The following UBAC1 variants were observed in gnomAD, a reference collection of about 807,000 sequenced individuals.
The protein encoded by UBAC1 is ubiquitin-associated domain-containing protein 1.
In UBAC1, 27 loss-of-function variants were observed where a neutral mutation model predicts 45.9. The observed-to-expected ratio is 0.59, with a 90% CI of 0.43 to 0.81. The LOEUF is 0.81. Ranked by LOEUF, UBAC1 falls within the 30% of genes least tolerant of loss-of-function variation. The probability of loss-of-function intolerance (pLI) is 0.00; values close to 1 mark genes in which losing one functional copy is unlikely to be tolerated. For missense variants in UBAC1, 529 were observed against 539.2 expected (o/e 0.98, Z 0.19); for synonymous variants, 227 against 215.5 (o/e 1.05, Z -0.47).
At chr9:135,958,350 T>C (rs778343639) in intron 1 of UBAC1, among the ~76,000 whole-genome samples, 9 of 152,140 alleles carry the variant, frequency 5.9e-5, no homozygotes, top group Admixed American at 6.5e-5. Flanking sequence ...CTCAGCCAGG[T>C]ATAATTTTCT....
At position 135,946,179 on chromosome 9, in the gene UBAC1, T is replaced by C. The variant is rs1588533202; in HGVS notation, c.544+90A>G. On this transcript the variant is annotated intron_variant, in intron 5 of 9. Coordinates refer to ENST00000371756, the MANE Select transcript of UBAC1 (RefSeq NM_016172.3). Reference sequence around the variant, plus strand: ...CAGCGCTTCCATAAAGCACTGAGGTTCCGGTCAGTGGTCAGTGCGTGGAGC... The same window carrying C: ...CAGCGCTTCCATAAAGCACTGAGGTCCCGGTCAGTGGTCAGTGCGTGGAGC... 4 of 1,100,572 alleles carry C rather than the reference T, an allele frequency of 3.6e-6. No individual in the cohort carries two copies. In the East Asian group the frequency reaches 7.1e-5, roughly 20 times the overall value. 68.2% of individuals were successfully genotyped at this position (1,100,572 alleles called of 1,614,324 possible).
intron 9 of UBAC1, among the ~76,000 whole-genome samples, chr9:135,935,340 A>G (rs2131078919): frequency 6.6e-6 from 1 of 152,346 alleles, no homozygotes; most frequent in South Asian, 2.1e-4. Context: ...CTCTAGGATT[A>G]ATATTGCAAT....
chr9:135,935,741 A>G (rs901626781), intron 9 of UBAC1, among the ~76,000 whole-genome samples: 3 of 152,216 alleles, frequency 2.0e-5, no homozygotes, highest in Admixed American at 2.0e-4. Flanking sequence ...AAAGGAATGC[A>G]AGTGGCCAGG....
At chr9:135,956,611 G>C (rs1839469798) in intron 1 of UBAC1, among the ~76,000 whole-genome samples, 1 of 151,956 alleles carries the variant, frequency 6.6e-6, no homozygotes, top group Non-Finnish European at 1.5e-5. Context: ...CCACCGCACA[G>C]CACAGCACCG....
chr9:135,948,353 G>A (rs534800004), intron 3 of UBAC1, among the ~76,000 whole-genome samples: 4 of 152,256 alleles, frequency 2.6e-5, no homozygotes, highest in Non-Finnish European at 1.5e-5. Context: ...GAACAGAACC[G>A]GAAGAGTGAC....
At chr9:135,956,490 G>T (rs185336885) in intron 1 of UBAC1, among the ~76,000 whole-genome samples, 6 of 152,120 alleles carry the variant, frequency 3.9e-5, no homozygotes, top group Admixed American at 3.9e-4. Flanking sequence ...GACTGAGGTC[G>T]GCACATGTGC....
At chr9:135,960,983 C>A (rs1839528773) in intron 1 of UBAC1, 42 bp downstream of exon 1, 1 of 1,465,200 alleles carries the variant, frequency 6.8e-7, no homozygotes, top group Non-Finnish European at 9.0e-7. Flanking sequence ...TCGGAGGGGT[C>A]CGGAGCGGGT....
chr9:135,935,053 GT>G (rs1357744757), intron 9 of UBAC1, among the ~76,000 whole-genome samples: 1 of 151,918 alleles, frequency 6.6e-6, no homozygotes, highest in Non-Finnish European at 1.5e-5. Flanking sequence ...GGCTGATTTT[GT>G]TTTTTTGTTT....
At chr9:135,941,180 A>C (rs1389082029) in intron 7 of UBAC1, among the ~76,000 whole-genome samples, 1 of 152,050 alleles carries the variant, frequency 6.6e-6, no homozygotes, top group Admixed American at 6.5e-5. Context: ...CCGGGGTGGG[A>C]GGATCACTTG....
Position 135,947,970 on chromosome 9 carries a change from T to A in UBAC1, c.334-65A>T, listed in dbSNP as rs570377162. On this transcript the variant is annotated intron_variant, in intron 3 of 9. Coordinates refer to ENST00000371756, the MANE Select transcript of UBAC1 (RefSeq NM_016172.3). ...AGAGCAGCAAAAAGACGATGACAAC[T>A]GAATCAGCGGAGCTCTGCCCAAGAA... 1.2e-3 allele frequency: 1,704 copies of A among 1,451,254 alleles called. 15 individuals are homozygous for A. The highest frequency in any genetic ancestry group is 0.011 in the South Asian group (883 of 81,382). 89.9% of individuals were successfully genotyped at this position (1,451,254 alleles called of 1,614,324 possible).
intron 1 of UBAC1, among the ~76,000 whole-genome samples, chr9:135,959,354 T>G (rs2131097110): frequency 6.7e-6 from 1 of 149,292 alleles, no homozygotes; most frequent in African/African-American, 2.5e-5. Context: ...CAGAGAAGTT[T>G]CTAGGGTTTT....
chr9:135,951,797 C>T (rs193200738), intron 3 of UBAC1, among the ~76,000 whole-genome samples: 48 of 151,782 alleles, frequency 3.2e-4, no homozygotes, highest in African/African-American at 1.0e-3. Flanking sequence ...GTAACAAAAG[C>T]GAAACTCTGT....
chr9:135,938,482 G>T, intron 8 of UBAC1, 122 bp from the exon 9 acceptor site: 1 of 1,273,058 alleles, frequency 7.9e-7, no homozygotes, highest in Non-Finnish European at 1.1e-6. Context: ...CCCCAGGGCT[G>T]ATCTCCCTGG....
chr9:135,940,426 A>C (rs1004306610), intron 7 of UBAC1, among the ~76,000 whole-genome samples: 3 of 151,954 alleles, frequency 2.0e-5, no homozygotes, highest in African/African-American at 7.3e-5. Context: ...AAAAATACAA[A>C]AAAATTAGCT....
At chr9:135,940,637 C>T (rs893371404) in intron 7 of UBAC1, among the ~76,000 whole-genome samples, 3 of 151,220 alleles carry the variant, frequency 2.0e-5, no homozygotes, top group Admixed American at 6.6e-5. Flanking sequence ...TTGAACAAAA[C>T]TTAAGCTACA....
At chr9:135,939,931 G>C (rs1460452429) in intron 7 of UBAC1, among the ~76,000 whole-genome samples, 172 bp from the exon 8 acceptor site, 1 of 152,228 alleles carries the variant, frequency 6.6e-6, no homozygotes, top group East Asian at 1.9e-4. Context: ...ACAGATCTTG[G>C]TTTTCAGCAT....
intron 3 of UBAC1, among the ~76,000 whole-genome samples, chr9:135,952,604 G>A (rs1285565934): frequency 6.6e-6 from 1 of 152,238 alleles, no homozygotes; most frequent in Non-Finnish European, 1.5e-5. Context: ...AATAACGTGT[G>A]AGTGAATGTA....
At chr9:135,938,750 A>C (rs1001308924) in intron 8 of UBAC1, among the ~76,000 whole-genome samples, 2 of 147,338 alleles carry the variant, frequency 1.4e-5, no homozygotes, top group Non-Finnish European at 3.0e-5. Context: ...AGCCATGAGG[A>C]CACAGGCTCC....
chr9:135,950,551 C>T (rs1425403694), intron 3 of UBAC1, among the ~76,000 whole-genome samples: 1 of 152,132 alleles, frequency 6.6e-6, no homozygotes, highest in Non-Finnish European at 1.5e-5. Flanking sequence ...AGGAAAAATA[C>T]AGCTGTGTAA....
Sources: allele counts gnomAD v4.1 joint callset (sites outside exome capture counted in the v4.1 genomes callset), GRCh38; gene constraint gnomAD v4.1.1; transcripts MANE v1.5; gene names NCBI Gene and HGNC (gene_info 2026-07-23, HGNC 2026-07-21).